Variants in GRID2 observed in about 807,000 individuals in gnomAD.
The protein encoded by GRID2 is glutamate receptor ionotropic, delta-2.
Under a neutral mutation model 114.8 loss-of-function variants are expected in GRID2, and 33 were observed. The ratio of observed to expected loss-of-function variants is 0.29; its 90% CI spans 0.22 to 0.38. The LOEUF (loss-of-function observed/expected upper bound fraction) is 0.38, where lower values mean the gene tolerates loss of function less well. Among genes scored for constraint, GRID2 ranks in the 10% least tolerant of loss-of-function variants. The pLI is 1.00. For synonymous variants in GRID2, 505 were observed against 449.9 expected, an observed-to-expected ratio of 1.12 and a Z score of -1.55; for missense variants, 1,184 against 1,257.7, an observed-to-expected ratio of 0.94 and a Z score of 0.89.
intron 2 of GRID2, among the ~76,000 whole-genome samples, chr4:92,683,864 C>A (rs1443464135): frequency 6.6e-6 from 1 of 151,536 alleles, no homozygotes; most frequent in Admixed American, 6.6e-5. Context: ...ATAGTTAAAA[C>A]ATATAGAACA....
chr4:92,942,109 A>G (rs909056032), intron 2 of GRID2, among the ~76,000 whole-genome samples: 3 of 152,132 alleles, frequency 2.0e-5, no homozygotes, highest in Non-Finnish European at 4.4e-5. Context: ...GCTGAGTTCA[A>G]TTCCTGGATA....
rs566850205 is a variant in GRID2 at position 93,051,033 on chromosome 4, A to G, written c.245-33962A>G. Among the ~76,000 whole-genome samples, 211 of 152,158 alleles carry G rather than the reference A, an allele frequency of 1.4e-3. 1 individual carries two copies. The highest frequency in any genetic ancestry group is 4.7e-3 in the African/African-American group (197 of 41,548). Reference sequence around the variant, plus strand: ...TTCAGCTGTGAGTAAACAAATTCAGAGGAAATAGTGCTCCACATCACTCTT... The same window carrying G: ...TTCAGCTGTGAGTAAACAAATTCAGGGGAAATAGTGCTCCACATCACTCTT... On this transcript the variant is annotated intron_variant, in intron 2 of 15. Coordinates refer to ENST00000282020, the MANE Select transcript of GRID2 (RefSeq NM_001510.4).
chr4:92,690,063 TA>T (rs1161512089), intron 2 of GRID2, among the ~76,000 whole-genome samples: 1 of 152,172 alleles, frequency 6.6e-6, no homozygotes, highest in African/African-American at 2.4e-5. Context: ...GAGTCACCCT[TA>T]AAAAAATTTT....
chr4:93,356,533 G>A (rs1016720699), intron 8 of GRID2, among the ~76,000 whole-genome samples: 2 of 151,566 alleles, frequency 1.3e-5, no homozygotes, highest in Non-Finnish European at 2.9e-5. Context: ...TGAATTGAAT[G>A]CTTACTTCAT....
At chr4:92,767,339 T>C (rs1346408471) in intron 2 of GRID2, among the ~76,000 whole-genome samples, 4 of 152,186 alleles carry the variant, frequency 2.6e-5, no homozygotes, top group Admixed American at 2.6e-4. Context: ...TTCTATCTTA[T>C]TGAAGCCACT....
In GRID2 at chr4:93,268,671, A is replaced by G. The variant is rs1345296939; in HGVS notation, c.1245+30181A>G. ...ATTTTACCTAACTCAGGCTAGAGGG[A>G]TCACAGAAGATATAATTATATAAAT... On this transcript the variant is annotated intron_variant, in intron 8 of 15. Transcript: ENST00000282020. Among the ~76,000 whole-genome samples the G allele has an allele frequency of 5.9e-5, 9 of 152,310 alleles. No homozygotes were observed. The East Asian group carries it at 1.7e-3, about 29-fold the overall frequency.
chr4:92,725,689 T>G (rs577286674), intron 2 of GRID2, among the ~76,000 whole-genome samples: 2 of 152,224 alleles, frequency 1.3e-5, no homozygotes, highest in African/African-American at 4.8e-5. Flanking sequence ...CTTTGTAGAG[T>G]CTAATATATT....
In GRID2 at chr4:93,647,362, G is replaced by A. The variant is rs543728000; in HGVS notation, c.2360+20927G>A. Among the ~76,000 whole-genome samples the A allele has an allele frequency of 2.2e-4, 33 of 152,286 alleles. 1 individual carries two copies. The South Asian group carries it at 6.6e-3, about 31-fold the overall frequency. ...TATTTAATGATAGAATGGGCTCCAT[G>A]ATTGCTCAATTCAGAGGTTCAACAG... is the stretch of plus-strand genomic sequence containing the variant. On this transcript the variant is annotated intron_variant, in intron 14 of 15. Coordinates refer to ENST00000282020, the MANE Select transcript of GRID2 (RefSeq NM_001510.4).
intron 13 of GRID2, among the ~76,000 whole-genome samples, chr4:93,516,335 T>C (rs1729731837): frequency 6.6e-6 from 1 of 152,134 alleles, no homozygotes; most frequent in Non-Finnish European, 1.5e-5. Flanking sequence ...AGCATTATTC[T>C]CTGCTTTTTC....
chr4:92,997,996 A>C (rs1260053795), intron 2 of GRID2, among the ~76,000 whole-genome samples: 1 of 152,182 alleles, frequency 6.6e-6, no homozygotes, highest in Non-Finnish European at 1.5e-5. Context: ...GTGGCTCCTA[A>C]AAGCTATGGC....
At chr4:93,665,158 G>A (rs1283759390) in intron 14 of GRID2, among the ~76,000 whole-genome samples, 1 of 152,042 alleles carries the variant, frequency 6.6e-6, no homozygotes, top group East Asian at 1.9e-4. Context: ...AGTATTCTCT[G>A]CTCTTCCATA....
intron 12 of GRID2, among the ~76,000 whole-genome samples, chr4:93,512,483 T>G (rs1341138354): frequency 6.6e-6 from 1 of 152,206 alleles, no homozygotes; most frequent in Non-Finnish European, 1.5e-5. Context: ...CACTTCATTT[T>G]GCTTCAGTCG....
In GRID2 at chr4:92,727,459, C is replaced by G. The variant is rs539618513; in HGVS notation, c.244+137173C>G. Reference sequence around the variant, plus strand: ...TGACCCTCAAATCATAAGTATATTACTATTTTGGTTAAGGGCCTGCCAGGA... The same window carrying G: ...TGACCCTCAAATCATAAGTATATTAGTATTTTGGTTAAGGGCCTGCCAGGA... On this transcript the variant is annotated intron_variant, in intron 2 of 15. Coordinates refer to ENST00000282020, the MANE Select transcript of GRID2 (RefSeq NM_001510.4). Among the ~76,000 whole-genome samples the G allele has an allele frequency of 2.6e-5, 4 of 152,116 alleles. No homozygotes were observed. In the South Asian group the frequency reaches 8.3e-4, roughly 32 times the overall value.
At chr4:92,814,950 C>T (rs192739200) in intron 2 of GRID2, among the ~76,000 whole-genome samples, 1 of 152,150 alleles carries the variant, frequency 6.6e-6, no homozygotes, top group East Asian at 1.9e-4. Flanking sequence ...TCAAAATGTG[C>T]AAGTTCACAA....
At chr4:93,172,761 T>A (rs1017746522) in intron 4 of GRID2, among the ~76,000 whole-genome samples, 1 of 152,190 alleles carries the variant, frequency 6.6e-6, no homozygotes, top group Non-Finnish European at 1.5e-5. Flanking sequence ...TTAAAGAATC[T>A]AAGTTAAGAT....
intron 2 of GRID2, among the ~76,000 whole-genome samples, chr4:92,872,634 G>A (rs1745357216): frequency 6.6e-6 from 1 of 152,178 alleles, no homozygotes; most frequent in Admixed American, 6.5e-5. Flanking sequence ...GTCAGAGGAA[G>A]CCAAGAGGCT....
At chr4:93,289,914 CATAAG>C (rs1753560698) in intron 8 of GRID2, among the ~76,000 whole-genome samples, 1 of 152,052 alleles carries the variant, frequency 6.6e-6, no homozygotes, top group African/African-American at 2.4e-5. Flanking sequence ...TAAAGAAGTC[CATAAG>C]ATAAGAAAAA....
intron 4 of GRID2, among the ~76,000 whole-genome samples, chr4:93,175,878 A>C (rs551017481): frequency 6.6e-6 from 1 of 152,276 alleles, no homozygotes; most frequent in South Asian, 2.1e-4. Context: ...CAATCCAACA[A>C]AGCACCATGT....
intron 9 of GRID2, 80 bp downstream of exon 9, chr4:93,395,788 A>T (rs1424488496): frequency 7.7e-6 from 5 of 650,524 alleles, no homozygotes; most frequent in Non-Finnish European, 1.1e-5. Flanking sequence ...AACTGATGAC[A>T]TAATCTTAAA....
Sources: allele counts gnomAD v4.1 joint callset (sites outside exome capture counted in the v4.1 genomes callset), GRCh38; gene constraint gnomAD v4.1.1; transcripts MANE v1.5; gene names NCBI Gene and HGNC (gene_info 2026-07-23, HGNC 2026-07-21).